The following CTNND2 variants were observed in gnomAD, a reference collection of about 807,000 sequenced individuals.
CTNND2 encodes catenin delta-2.
In CTNND2, 22 loss-of-function variants were observed where a neutral mutation model predicts 144.4. The ratio of observed to expected loss-of-function variants is 0.15; its 90% CI spans 0.11 to 0.22. The LOEUF (loss-of-function observed/expected upper bound fraction) is 0.22. Among genes scored for constraint, CTNND2 ranks in the 10% least tolerant of loss-of-function variants. CTNND2 has a pLI of 1.00. For synonymous variants in CTNND2, 751 were observed against 695.6 expected (o/e 1.08, Z -1.25); for missense variants, 1,353 against 1,618.8 (o/e 0.84, Z 2.82).
intron 9 of CTNND2, among the ~76,000 whole-genome samples, chr5:11,253,568 C>T (rs1743894369): frequency 6.6e-6 from 1 of 152,178 alleles, no homozygotes; most frequent in African/African-American, 2.4e-5. Context: ...ATTGTGAGGC[C>T]TCCCCAGCCA....
intron 3 of CTNND2, among the ~76,000 whole-genome samples, chr5:11,463,531 T>C (rs1766399654): frequency 6.6e-6 from 1 of 152,148 alleles, no homozygotes; most frequent in South Asian, 2.1e-4. Flanking sequence ...TGTATCCTAG[T>C]ACATTAGAGA....
At chr5:11,346,241 A>G in intron 9 of CTNND2, 131 bp downstream of exon 9, 2 of 879,510 alleles carry the variant, frequency 2.3e-6, no homozygotes, top group Non-Finnish European at 3.1e-6. Flanking sequence ...AAGTCAAACA[A>G]AAGAAAACCC....
intron 1 of CTNND2, among the ~76,000 whole-genome samples, chr5:11,865,386 ATG>A (rs1346934278): frequency 6.6e-6 from 1 of 151,918 alleles, no homozygotes; most frequent in Non-Finnish European, 1.5e-5. Flanking sequence ...GGGAAGAACT[ATG>A]TGTTTTGAGA....
At chr5:11,259,842 A>G (rs1744678547) in intron 9 of CTNND2, among the ~76,000 whole-genome samples, 1 of 152,202 alleles carries the variant, frequency 6.6e-6, no homozygotes, top group Non-Finnish European at 1.5e-5. Flanking sequence ...CCTCAAAGTC[A>G]GCCTGGAATG....
intron 2 of CTNND2, among the ~76,000 whole-genome samples, chr5:11,731,791 T>C (rs1787404492): frequency 6.6e-6 from 1 of 152,190 alleles, no homozygotes; most frequent in Non-Finnish European, 1.5e-5. Context: ...ATTTTAATTT[T>C]TCATTAGATT....
At chr5:11,357,807 T>C (rs547273813) in intron 8 of CTNND2, among the ~76,000 whole-genome samples, 1 of 152,242 alleles carries the variant, frequency 6.6e-6, no homozygotes, top group Non-Finnish European at 1.5e-5. Context: ...CCCATGAACA[T>C]GTACATGTGT....
intron 9 of CTNND2, among the ~76,000 whole-genome samples, chr5:11,340,752 T>C (rs1449910501): frequency 1.3e-5 from 2 of 152,206 alleles, no homozygotes; most frequent in Non-Finnish European, 2.9e-5. Flanking sequence ...GGTATGAATG[T>C]CCATTACAAT....
intron 15 of CTNND2, among the ~76,000 whole-genome samples, chr5:11,090,770 T>C (rs999643500): frequency 5.3e-5 from 8 of 152,062 alleles, no homozygotes; most frequent in Non-Finnish European, 1.0e-4. Flanking sequence ...GTCAATTTAA[T>C]ATATGATTGA....
At chr5:11,654,219 T>C (rs567010145) in intron 2 of CTNND2, among the ~76,000 whole-genome samples, 312 of 152,100 alleles carry the variant, frequency 2.1e-3, no homozygotes, top group African/African-American at 7.1e-3. Flanking sequence ...TGCTTTGCTC[T>C]TCCTGGTACC....
At chr5:11,086,456 A>G (rs574027904) in intron 15 of CTNND2, among the ~76,000 whole-genome samples, 6 of 152,296 alleles carry the variant, frequency 3.9e-5, no homozygotes, top group African/African-American at 1.2e-4. Flanking sequence ...GAGGAACGTA[A>G]AATGTGGCCA....
intron 1 of CTNND2, among the ~76,000 whole-genome samples, chr5:11,815,810 C>T (rs1216332022): frequency 3.9e-5 from 6 of 152,160 alleles, no homozygotes; most frequent in Non-Finnish European, 8.8e-5. Flanking sequence ...CCAAGACTTG[C>T]CAACAGGTGG....
intron 9 of CTNND2, among the ~76,000 whole-genome samples, chr5:11,278,619 G>A (rs569078775): frequency 5.1e-4 from 78 of 152,328 alleles, no homozygotes; most frequent in African/African-American, 1.5e-3. Context: ...AGGAGACAGG[G>A]GGAGGGGATG....
chr5:11,324,255 G>A (rs1313254362), intron 9 of CTNND2, among the ~76,000 whole-genome samples: 1 of 152,096 alleles, frequency 6.6e-6, no homozygotes, highest in Non-Finnish European at 1.5e-5. Context: ...AGCAAAACGA[G>A]CCAAAACAAT....
intron 1 of CTNND2, among the ~76,000 whole-genome samples, chr5:11,838,817 A>G (rs1794311870): frequency 6.6e-6 from 1 of 152,224 alleles, no homozygotes; most frequent in African/African-American, 2.4e-5. Flanking sequence ...ATTTGTCAGC[A>G]TCTTTTCTTC....
intron 2 of CTNND2, among the ~76,000 whole-genome samples, chr5:11,693,029 G>T (rs1310613667): frequency 6.6e-6 from 1 of 152,164 alleles, no homozygotes; most frequent in Non-Finnish European, 1.5e-5. Flanking sequence ...ACACATCTGG[G>T]TTGTCAATTT....
intron 3 of CTNND2, among the ~76,000 whole-genome samples, chr5:11,500,119 C>G (rs1043075502): frequency 6.6e-6 from 1 of 152,144 alleles, no homozygotes; most frequent in African/African-American, 2.4e-5. Flanking sequence ...CTGTAAGATG[C>G]TGTTTCACTA....
chr5:11,381,825 G>A (rs577774398), intron 7 of CTNND2, among the ~76,000 whole-genome samples: 262 of 152,250 alleles, frequency 1.7e-3, no homozygotes, highest in Middle Eastern at 6.8e-3. Context: ...AAATTAGCCA[G>A]GCGTGGTGGC....
chr5:11,119,231 T>C (rs1402323950), intron 12 of CTNND2, among the ~76,000 whole-genome samples: 5 of 152,242 alleles, frequency 3.3e-5, no homozygotes, highest in Non-Finnish European at 7.3e-5. Flanking sequence ...ACAGGTTTCA[T>C]GTTAAAATGC....
intron 1 of CTNND2, among the ~76,000 whole-genome samples, chr5:11,876,312 GGAGGAGAAGAGAAGA>G (rs1157597363): frequency 2.0e-5 from 3 of 151,110 alleles, no homozygotes; most frequent in African/African-American, 4.9e-5. Flanking sequence ...AGGCGAGAGG[GGAGGAGAAGAGAAGA>G]GAGGAGAAGA....
Sources: gnomAD v4.1 joint callset for allele counts (sites outside exome capture counted in the v4.1 genomes callset) on GRCh38, gnomAD v4.1.1 for gene constraint, MANE v1.5 for transcripts, NCBI Gene and HGNC (gene_info 2026-07-23, HGNC 2026-07-21) for gene names.